Variants in UPP2 observed in about 807,000 individuals in gnomAD.
UPP2 encodes uridine phosphorylase 2, also known as UPase 2.
In UPP2, 23 loss-of-function variants were observed where a neutral mutation model predicts 26.7. That is an observed-to-expected ratio of 0.86 (90% CI 0.62 to 1.22). The LOEUF (loss-of-function observed/expected upper bound fraction) is 1.22. UPP2 is among the 50% of genes most tolerant of loss of function. UPP2 has a pLI of 0.00. For missense variants in UPP2, 387 were observed against 396.7 expected (o/e 0.98, Z 0.21); for synonymous variants, 127 against 141.3 (o/e 0.90, Z 0.72).
At chr2:158,098,271 AAGG>A (rs1683018383), upstream of UPP2, among the ~76,000 whole-genome samples, 1 of 152,142 alleles carries the variant, frequency 6.6e-6, no homozygotes, top group Non-Finnish European at 1.5e-5. Flanking sequence ...GGTGAAAATA[AAGG>A]AGGAGGGTGC....
intron 6 of UPP2, among the ~76,000 whole-genome samples, chr2:158,127,055 T>C (rs964424615): frequency 6.6e-6 from 1 of 152,244 alleles, no homozygotes; most frequent in African/African-American, 2.4e-5. Flanking sequence ...CTCACTGAGT[T>C]TGGACCATTG....
chr2:158,050,929 CTGTT>C (rs1373814167), intron 3 of UPP2, among the ~76,000 whole-genome samples: 1 of 152,046 alleles, frequency 6.6e-6, no homozygotes, highest in Non-Finnish European at 1.5e-5. Flanking sequence ...TATAATTGGA[CTGTT>C]TGTAACTCAA....
upstream of UPP2, among the ~76,000 whole-genome samples, chr2:158,097,084 A>C (rs1682997134): frequency 6.6e-6 from 1 of 152,038 alleles, no homozygotes; most frequent in Non-Finnish European, 1.5e-5. Flanking sequence ...AAACATGATA[A>C]AAAATATGAA....
intron 3 of UPP2, among the ~76,000 whole-genome samples, chr2:158,091,291 G>A (rs887962272): frequency 2.0e-5 from 3 of 152,124 alleles, no homozygotes; most frequent in Admixed American, 1.3e-4. Context: ...TAGGTAAAAT[G>A]AGGAAACACT....
intron 3 of UPP2, among the ~76,000 whole-genome samples, chr2:158,046,968 G>A (rs1273876239): frequency 6.6e-6 from 1 of 152,170 alleles, no homozygotes; most frequent in East Asian, 1.9e-4. Flanking sequence ...TATATTAAAA[G>A]AGATCAACTA....
At chr2:158,000,284 A>G (rs1489378734) in intron 2 of UPP2, among the ~76,000 whole-genome samples, 2 of 152,120 alleles carry the variant, frequency 1.3e-5, no homozygotes, top group African/African-American at 2.4e-5. Context: ...TCTCACACGC[A>G]TGGGCTGATC....
rs917634940 is a variant in UPP2, at chr2:158,058,453, G to A, written c.147+42567G>A. Among the ~76,000 whole-genome samples the A allele has an allele frequency of 8.6e-5, 13 of 151,104 alleles. 1 individual carries two copies. The highest frequency in any genetic ancestry group is 5.9e-4 in the East Asian group (3 of 5,098). ...TGTGTGTGTGTGTGTGTGTGTGTAC[G>A]CGCATGCACAGAGGAAAGGACGTGT... On this transcript the variant is annotated intron_variant, in intron 3 of 9. Coordinates refer to the UPP2 transcript ENST00000605860.
intron 2 of UPP2, among the ~76,000 whole-genome samples, chr2:158,108,045 C>T (rs1465669467): frequency 6.6e-6 from 1 of 152,182 alleles, no homozygotes; most frequent in Admixed American, 6.5e-5. Flanking sequence ...CTAGGGATGA[C>T]TCTGATTAAT....
At chr2:158,086,932 G>A (rs1255866635) in intron 3 of UPP2, among the ~76,000 whole-genome samples, 1 of 152,088 alleles carries the variant, frequency 6.6e-6, no homozygotes, top group Non-Finnish European at 1.5e-5. Context: ...CTTAAAGAAT[G>A]CGCCATGTGC....
At chr2:158,063,637 G>A (rs1022474386) in intron 3 of UPP2, among the ~76,000 whole-genome samples, 5 of 151,564 alleles carry the variant, frequency 3.3e-5, no homozygotes, top group African/African-American at 1.2e-4. Context: ...TGGGGTACAT[G>A]TGCAGAATGT....
At chr2:158,063,576 T>C (rs1357477353) in intron 3 of UPP2, among the ~76,000 whole-genome samples, 1 of 148,046 alleles carries the variant, frequency 6.8e-6, no homozygotes, top group Non-Finnish European at 1.5e-5. Flanking sequence ...GGACCAGCTG[T>C]AGGATTAGGC....
At chr2:158,001,035 G>A (rs928350099) in intron 2 of UPP2, among the ~76,000 whole-genome samples, 2 of 152,202 alleles carry the variant, frequency 1.3e-5, no homozygotes, top group African/African-American at 4.8e-5. Flanking sequence ...CTAATCCTCA[G>A]TAAAGAAGTT....
At chr2:158,065,069 G>C (rs966430243) in intron 3 of UPP2, among the ~76,000 whole-genome samples, 1 of 152,162 alleles carries the variant, frequency 6.6e-6, no homozygotes, top group Non-Finnish European at 1.5e-5. Context: ...CAGTGAGATC[G>C]ACGCAGTAGG....
At chr2:158,022,178 G>C (rs1037908530) in intron 3 of UPP2, among the ~76,000 whole-genome samples, 3 of 151,932 alleles carry the variant, frequency 2.0e-5, no homozygotes, top group African/African-American at 7.3e-5. Flanking sequence ...TAAAAGTCTT[G>C]GCCATGTGCG....
intron 2 of UPP2, among the ~76,000 whole-genome samples, chr2:157,998,921 T>A (rs1206848283): frequency 6.6e-6 from 1 of 152,174 alleles, no homozygotes; most frequent in Non-Finnish European, 1.5e-5. Context: ...TTTGTTCCTG[T>A]CCTCTCTTCT....
intron 2 of UPP2, among the ~76,000 whole-genome samples, chr2:157,999,824 C>A (rs1683377743): frequency 6.6e-6 from 1 of 151,954 alleles, no homozygotes; most frequent in Admixed American, 6.6e-5. Flanking sequence ...TTTTGGGATG[C>A]TATTCAAATC....
chr2:158,060,016 T>G (rs1486239742), intron 3 of UPP2, among the ~76,000 whole-genome samples: 1 of 152,174 alleles, frequency 6.6e-6, no homozygotes, highest in Non-Finnish European at 1.5e-5. Context: ...ATTAATACAT[T>G]AATTAACACA....
At chr2:158,011,050 C>G (rs1451198068) in intron 2 of UPP2, among the ~76,000 whole-genome samples, 1 of 152,116 alleles carries the variant, frequency 6.6e-6, no homozygotes, top group Non-Finnish European at 1.5e-5. Context: ...CAGGTGTGAG[C>G]CACAGTGCCC....
intron 3 of UPP2, among the ~76,000 whole-genome samples, chr2:158,070,183 A>G (rs1682516065): frequency 6.6e-6 from 1 of 152,154 alleles, no homozygotes; most frequent in Non-Finnish European, 1.5e-5. Context: ...CCCTATAATT[A>G]ACAACTCTTT....
Sources: gnomAD v4.1 joint callset for allele counts (sites outside exome capture counted in the v4.1 genomes callset) on GRCh38, gnomAD v4.1.1 for gene constraint, MANE v1.5 for transcripts, NCBI Gene and HGNC (gene_info 2026-07-23, HGNC 2026-07-21) for gene names.